The following PTK2B variants were observed in gnomAD, a reference collection of about 807,000 sequenced individuals.
PTK2B encodes protein tyrosine kinase 2 beta, also known as protein-tyrosine kinase 2-beta.
In PTK2B, 71 loss-of-function variants were observed where a neutral mutation model predicts 142.9. The observed-to-expected ratio is 0.50, with a 90% confidence interval of 0.41 to 0.61. The LOEUF (loss-of-function observed/expected upper bound fraction) is 0.61. Ranked by LOEUF, PTK2B falls within the 20% of genes least tolerant of loss-of-function variation. PTK2B has a pLI of 0.00. For missense variants in PTK2B, 1,105 were observed against 1,320.4 expected, an observed-to-expected ratio of 0.84 and a Z score of 2.53; for synonymous variants, 519 against 503.4, an observed-to-expected ratio of 1.03 and a Z score of -0.42.
upstream of PTK2B, chr8:27,311,405 AG>A (rs1245386893): frequency 2.6e-5 from 22 of 832,020 alleles, no homozygotes; most frequent in Middle Eastern, 1.5e-3. Flanking sequence ...AGGGGGAGGG[AG>A]GGGGCGCTCG....
chr8:27,387,905 A>C (rs1185322299), intron 1 of PTK2B, among the ~76,000 whole-genome samples: 1 of 151,656 alleles, frequency 6.6e-6, no homozygotes, highest in Admixed American at 6.6e-5. Context: ...ATGACTTACC[A>C]GCCTGTGAGG....
intron 20 of PTK2B, among the ~76,000 whole-genome samples, 179 bp from the exon 21 acceptor site, chr8:27,440,058 G>A (rs11998069): frequency 0.028 from 4,303 of 152,280 alleles, 226 homozygotes; most frequent in African/African-American, 0.098. Context: ...TTACTGCAGA[G>A]GTAGGTCACT....
intron 21 of PTK2B, among the ~76,000 whole-genome samples, chr8:27,441,250 T>C (rs1272047948): frequency 6.6e-6 from 1 of 152,112 alleles, no homozygotes; most frequent in African/African-American, 2.4e-5. Context: ...AAATATGAAT[T>C]TCAAATAAGT....
intron 7 of PTK2B, 36 bp downstream of exon 7, chr8:27,430,454 G>A: frequency 6.2e-7 from 1 of 1,610,782 alleles, no homozygotes; most frequent in Non-Finnish European, 8.5e-7. Flanking sequence ...TCTTCGTGCT[G>A]ATTCCCGAGA....
intron 2 of PTK2B, among the ~76,000 whole-genome samples, chr8:27,414,608 G>GTGTGTGTGTGTGTGTATGTGTGTGTGTT (rs140323992): frequency 0.55 from 82,154 of 148,706 alleles, 22,884 homozygotes; most frequent in South Asian, 0.61. Context: ...CTCTCTCTCT[G>GTGTGTGTGTGTGTGTATGTGTGTGTGTT]TGTGTGTGTG....
chr8:27,445,755 T>G (rs769766007), intron 23 of PTK2B, 39 bp from the exon 24 acceptor site: 1 of 1,610,724 alleles, frequency 6.2e-7, no homozygotes, highest in Non-Finnish European at 8.5e-7. Flanking sequence ...CCTTCTCGCT[T>G]TGTCCCGTGC....
intron 1 of PTK2B, among the ~76,000 whole-genome samples, chr8:27,386,027 T>TA (rs1807332218): frequency 6.6e-6 from 1 of 152,210 alleles, no homozygotes; most frequent in Non-Finnish European, 1.5e-5. Flanking sequence ...AACAATATTA[T>TA]AACTGATGTA....
At chr8:27,324,038 G>A (rs1380567676), upstream of PTK2B, among the ~76,000 whole-genome samples, 2 of 152,164 alleles carry the variant, frequency 1.3e-5, no homozygotes, top group African/African-American at 4.8e-5. Context: ...TAACTTTTGT[G>A]CCACTCAGCC....
At chr8:27,405,455 G>A (rs556948769) in intron 2 of PTK2B, among the ~76,000 whole-genome samples, 1 of 152,278 alleles carries the variant, frequency 6.6e-6, no homozygotes, top group African/African-American at 2.4e-5. Context: ...ACCCTAGAGA[G>A]AATAAAATGG....
chr8:27,443,268 T>A (rs962726992), intron 22 of PTK2B, among the ~76,000 whole-genome samples: 5 of 152,170 alleles, frequency 3.3e-5, no homozygotes, highest in Admixed American at 1.3e-4. Flanking sequence ...ACAAATGAGA[T>A]CCCCCTGAGG....
At chr8:27,366,610 CA>C in intron 1 of PTK2B, among the ~76,000 whole-genome samples, 1 of 152,326 alleles carries the variant, frequency 6.6e-6, no homozygotes, top group Admixed American at 6.5e-5. Context: ...AGCTCCCAGG[CA>C]GGTATTTCCT....
intron 1 of PTK2B, among the ~76,000 whole-genome samples, chr8:27,338,535 C>T (rs1425549021): frequency 1.3e-5 from 2 of 152,076 alleles, no homozygotes; most frequent in Admixed American, 1.3e-4. Context: ...CCCCAAAAAC[C>T]TATGGAAAGA....
intron 23 of PTK2B, 75 bp from the exon 24 acceptor site, chr8:27,445,719 T>C: frequency 4.4e-6 from 7 of 1,590,790 alleles, no homozygotes; most frequent in South Asian, 2.2e-5. Context: ...TTCTTTGTGC[T>C]CGTGTTTGTA....
At chr8:27,374,196 A>C (rs1806529539) in intron 1 of PTK2B, among the ~76,000 whole-genome samples, 1 of 152,216 alleles carries the variant, frequency 6.6e-6, no homozygotes, top group Non-Finnish European at 1.5e-5. Context: ...CATAGACAAT[A>C]GAAGTATTTG....
At chr8:27,321,054 G>A (rs961987220), upstream of PTK2B, among the ~76,000 whole-genome samples, 1 of 123,904 alleles carries the variant, frequency 8.1e-6, no homozygotes, top group East Asian at 2.4e-4. Flanking sequence ...TCATCCACTG[G>A]TGCAATCATA....
At chr8:27,345,188 A>G (rs1355563593) in intron 1 of PTK2B, among the ~76,000 whole-genome samples, 10 of 152,178 alleles carry the variant, frequency 6.6e-5, no homozygotes, top group African/African-American at 1.9e-4. Flanking sequence ...GGGTCAGATC[A>G]TGGGGGCATT....
intron 1 of PTK2B, among the ~76,000 whole-genome samples, chr8:27,361,170 G>A (rs555614132): frequency 6.6e-6 from 1 of 152,136 alleles, no homozygotes; most frequent in African/African-American, 2.4e-5. Flanking sequence ...ATGTCCATAT[G>A]TACAAATTAT....
intron 5 of PTK2B, among the ~76,000 whole-genome samples, chr8:27,424,379 T>C (rs4733058): frequency 0.14 from 20,758 of 152,252 alleles, 1,734 homozygotes; most frequent in Admixed American, 0.2. Context: ...CTCCTGTAGG[T>C]AGTCTTGTCA....
chr8:27,433,969 G>C, intron 11 of PTK2B, 124 bp from the exon 12 acceptor site: 2 of 1,300,208 alleles, frequency 1.5e-6, no homozygotes, highest in Non-Finnish European at 2.2e-6. Flanking sequence ...CCCAGGCTAG[G>C]AGAGAATGGA....
Sources: allele counts gnomAD v4.1 joint callset (sites outside exome capture counted in the v4.1 genomes callset), GRCh38; gene constraint gnomAD v4.1.1; transcripts MANE v1.5; gene names NCBI Gene and HGNC (gene_info 2026-07-23, HGNC 2026-07-21).